Variants in TENM4 observed in about 807,000 individuals in gnomAD.
TENM4 encodes teneurin transmembrane protein 4, also known as teneurin-4.
Under a neutral mutation model 243.3 loss-of-function variants are expected in TENM4, and 82 were observed. That is an observed-to-expected ratio of 0.34 (90% CI 0.28 to 0.40). The LOEUF (loss-of-function observed/expected upper bound fraction) is 0.40, where lower values mean the gene tolerates loss of function less well. Ranked by LOEUF, TENM4 falls within the 10% of genes least tolerant of loss-of-function variation. The pLI is 1.00. For missense variants in TENM4, 3,138 were observed against 3,673.3 expected (o/e 0.85, Z 3.77); for synonymous variants, 1,412 against 1,456.3 (o/e 0.97, Z 0.69).
Position 78,737,494 on chromosome 11 carries a change from T to C in TENM4, c.2876+957A>G, listed in dbSNP as rs192516919. Among the ~76,000 whole-genome samples, 178 of 152,362 alleles carry C rather than the reference T, an allele frequency of 1.2e-3. 1 individual carries two copies. Among genetic ancestry groups the C allele is most frequent in the South Asian group, 3.9e-3 (19 of 4,818 alleles). On this transcript the variant is annotated intron_variant, in intron 20 of 33. Coordinates refer to ENST00000278550, the MANE Select transcript of TENM4 (RefSeq NM_001098816.3). ...GGCCGGGACATGTTCACATCTGATA[T>C]TGGATTAAAGAGGTGCTAAAATCAA...
chr11:79,178,106 C>A (rs1343260088), intron 3 of TENM4, among the ~76,000 whole-genome samples: 1 of 152,096 alleles, frequency 6.6e-6, no homozygotes, highest in East Asian at 1.9e-4. Flanking sequence ...CTGAAGATAT[C>A]TGCTGATGGG....
rs550711402 is a variant in TENM4 at position 79,337,714 on chromosome 11, G to T, written c.-320-40171C>A. Among the ~76,000 whole-genome samples, 140 of 152,140 alleles carry T rather than the reference G, an allele frequency of 9.2e-4. 6 individuals carry two copies. The South Asian group carries it at 0.028, about 31-fold the overall frequency. Reference sequence around the variant, plus strand: ...CTAGCAACTTCCATTTTTTTGTTTTGGTGGGGCCATGCTACATTGGAGTTC... The same window carrying T: ...CTAGCAACTTCCATTTTTTTGTTTTTGTGGGGCCATGCTACATTGGAGTTC... On this transcript the variant is annotated intron_variant, in intron 1 of 33. Coordinates refer to ENST00000278550, the MANE Select transcript of TENM4 (RefSeq NM_001098816.3).
intron 1 of TENM4, among the ~76,000 whole-genome samples, chr11:79,304,451 T>C (rs1856595168): frequency 6.6e-6 from 1 of 152,180 alleles, no homozygotes; most frequent in Admixed American, 6.5e-5. Context: ...GGGACCATGG[T>C]CTGTCAATTC....
chr11:78,975,605 CACACACACACACAT>C (rs1857638144), intron 6 of TENM4, among the ~76,000 whole-genome samples: 3 of 117,112 alleles, frequency 2.6e-5, no homozygotes, highest in African/African-American at 1.1e-4. Flanking sequence ...CACCCACACA[CACACACACACACAT>C]ATATATATAT....
chr11:78,949,844 CA>C (rs1405839926), intron 6 of TENM4, among the ~76,000 whole-genome samples: 1 of 152,114 alleles, frequency 6.6e-6, no homozygotes, highest in East Asian at 1.9e-4. Flanking sequence ...TAGGAAAGCA[CA>C]GTACAGAACT....
intron 1 of TENM4, among the ~76,000 whole-genome samples, chr11:79,358,950 ATT>A (rs202209074): frequency 0.38 from 54,906 of 144,060 alleles, 10,144 homozygotes; most frequent in Middle Eastern, 0.46. Flanking sequence ...GTAAAAAGGC[ATT>A]TTTTTTTTTT....
chr11:79,263,484 T>A (rs2135329830), intron 2 of TENM4, among the ~76,000 whole-genome samples: 1 of 152,352 alleles, frequency 6.6e-6, no homozygotes, highest in Non-Finnish European at 1.5e-5. Flanking sequence ...TTGCTTGTTT[T>A]ACAAAAGTGA....
chr11:78,983,695 G>A (rs1857854840), intron 6 of TENM4, among the ~76,000 whole-genome samples: 1 of 152,116 alleles, frequency 6.6e-6, no homozygotes, highest in South Asian at 2.1e-4. Context: ...TACCAACTGT[G>A]GAGAGGAATC....
intron 6 of TENM4, among the ~76,000 whole-genome samples, chr11:78,978,933 C>T (rs187988904): frequency 6.6e-5 from 10 of 152,072 alleles, no homozygotes; most frequent in Non-Finnish European, 1.0e-4. Context: ...TTGGGCACAT[C>T]GTGAGAAGCA....
chr11:79,332,653 G>A (rs1173671035), intron 1 of TENM4, among the ~76,000 whole-genome samples: 1 of 152,118 alleles, frequency 6.6e-6, no homozygotes, highest in East Asian at 1.9e-4. Context: ...ATCCAATGTT[G>A]TTGTTCCCCC....
At chr11:78,964,990 C>T (rs1319101900) in intron 6 of TENM4, among the ~76,000 whole-genome samples, 1 of 152,130 alleles carries the variant, frequency 6.6e-6, no homozygotes, top group South Asian at 2.1e-4. Context: ...GCCTCAGCCT[C>T]CCCAGTAGCT....
intron 1 of TENM4, among the ~76,000 whole-genome samples, chr11:79,417,609 C>T (rs1858845874): frequency 6.6e-6 from 1 of 152,164 alleles, no homozygotes; most frequent in African/African-American, 2.4e-5. Context: ...TTACATTGTC[C>T]TTTGAAGAAC....
At chr11:78,853,891 G>A (rs914463728) in intron 12 of TENM4, among the ~76,000 whole-genome samples, 5 of 152,226 alleles carry the variant, frequency 3.3e-5, no homozygotes, top group Non-Finnish European at 1.5e-5. Context: ...CAGCAGGAGA[G>A]AAGCAGCGGG....
chr11:78,764,224 A>G (rs1208847323), intron 18 of TENM4, among the ~76,000 whole-genome samples: 1 of 152,210 alleles, frequency 6.6e-6, no homozygotes, highest in East Asian at 1.9e-4. Flanking sequence ...GGCAAGGCCA[A>G]CCTTCTCACC....
At chr11:79,298,179 G>T (rs1856487845) in intron 1 of TENM4, among the ~76,000 whole-genome samples, 1 of 152,118 alleles carries the variant, frequency 6.6e-6, no homozygotes, top group Non-Finnish European at 1.5e-5. Context: ...GAGCCCAGAA[G>T]AGTGAGAAGT....
intron 15 of TENM4, among the ~76,000 whole-genome samples, chr11:78,795,087 T>C (rs79221324): frequency 6.6e-6 from 1 of 152,142 alleles, no homozygotes; most frequent in Admixed American, 6.5e-5. Context: ...TTTACCGTGA[T>C]CTTCATGTAT....
At chr11:78,754,934 G>A (rs1394449303) in intron 19 of TENM4, among the ~76,000 whole-genome samples, 1 of 152,098 alleles carries the variant, frequency 6.6e-6, no homozygotes, top group Non-Finnish European at 1.5e-5. Flanking sequence ...TTCTCATCTC[G>A]TCACGACTCC....
At chr11:79,153,268 T>C (rs556316761) in intron 3 of TENM4, among the ~76,000 whole-genome samples, 18 of 152,196 alleles carry the variant, frequency 1.2e-4, no homozygotes, top group Non-Finnish European at 2.2e-4. Context: ...GAAAAATGTA[T>C]GAAAAGGATT....
chr11:78,786,361 C>T (rs1283216635), intron 16 of TENM4, among the ~76,000 whole-genome samples: 1 of 152,238 alleles, frequency 6.6e-6, no homozygotes, highest in Non-Finnish European at 1.5e-5. Context: ...GGAATTCTGA[C>T]CTAGGAGCCC....
Sources: gnomAD v4.1 joint callset for allele counts (sites outside exome capture counted in the v4.1 genomes callset) on GRCh38, gnomAD v4.1.1 for gene constraint, MANE v1.5 for transcripts, NCBI Gene and HGNC (gene_info 2026-07-23, HGNC 2026-07-21) for gene names.